The following COL19A1 variants were observed in gnomAD, a reference collection of about 807,000 sequenced individuals.
COL19A1 encodes collagen type XIX alpha 1 chain, also known as collagen alpha-1(XIX) chain.
A neutral mutation model predicts 190.2 loss-of-function variants in COL19A1; 159 were observed. The observed-to-expected ratio is 0.84, with a 90% CI of 0.73 to 0.95. The LOEUF (loss-of-function observed/expected upper bound fraction) is 0.95. Among genes scored for constraint, COL19A1 ranks in the 40% least tolerant of loss-of-function variants. The pLI, the probability that COL19A1 is intolerant of heterozygous loss-of-function variation, is 0.00. For synonymous variants in COL19A1, 509 were observed against 458.9 expected (o/e 1.11, Z -1.39); for missense variants, 1,418 against 1,431.9 (o/e 0.99, Z 0.16).
At chr6:70,108,417 A>G (rs1784096710) in intron 16 of COL19A1, among the ~76,000 whole-genome samples, 1 of 152,144 alleles carries the variant, frequency 6.6e-6, no homozygotes, top group Non-Finnish European at 1.5e-5. Flanking sequence ...AATTCAAAAA[A>G]TTTTGTAACA....
intron 14 of COL19A1, among the ~76,000 whole-genome samples, chr6:70,063,820 A>G (rs1300536625): frequency 6.6e-6 from 1 of 152,232 alleles, no homozygotes; most frequent in African/African-American, 2.4e-5. Context: ...ACAGAAATAC[A>G]AACTACCATA....
At chr6:70,139,284 G>C (rs770456761) in intron 19 of COL19A1, among the ~76,000 whole-genome samples, 4 of 152,022 alleles carry the variant, frequency 2.6e-5, no homozygotes, top group Admixed American at 6.6e-5. Flanking sequence ...AAGCAGCAAG[G>C]GTTGAAGGAG....
At chr6:69,936,650 G>A in intron 7 of COL19A1, 135 bp from the exon 8 acceptor site, 2 of 1,065,676 alleles carry the variant, frequency 1.9e-6, no homozygotes, top group Non-Finnish European at 2.7e-6. Flanking sequence ...TCTCACACTG[G>A]TGTTAACTTT....
chr6:70,172,261 G>A (rs1001153499), intron 41 of COL19A1, among the ~76,000 whole-genome samples: 23 of 152,134 alleles, frequency 1.5e-4, no homozygotes, highest in Non-Finnish European at 3.4e-4. Flanking sequence ...GGGTTAAGGA[G>A]GATCAGGAAT....
chr6:69,975,206 T>C (rs1192308527), intron 11 of COL19A1, among the ~76,000 whole-genome samples: 2 of 152,216 alleles, frequency 1.3e-5, no homozygotes. Context: ...TGTTTCACTG[T>C]GCTTCATGGA....
chr6:70,065,540 A>T (rs1381975637), intron 14 of COL19A1, among the ~76,000 whole-genome samples: 4 of 152,238 alleles, frequency 2.6e-5, no homozygotes, highest in Non-Finnish European at 4.4e-5. Flanking sequence ...TTCAGGATAT[A>T]GGCATGGGCA....
chr6:70,103,706 C>G (rs146159143), intron 16 of COL19A1, among the ~76,000 whole-genome samples: 1 of 152,162 alleles, frequency 6.6e-6, no homozygotes, highest in Non-Finnish European at 1.5e-5. Flanking sequence ...CCTATAGAAG[C>G]TTTGCCAGTG....
At chr6:69,868,869 C>T (rs1767644279) in intron 1 of COL19A1, among the ~76,000 whole-genome samples, 1 of 152,080 alleles carries the variant, frequency 6.6e-6, no homozygotes, top group African/African-American at 2.4e-5. Context: ...AATGTGGGTA[C>T]ACAGAGTCAA....
Position 70,163,377 on chromosome 6 carries a change from C to G in COL19A1, c.2381C>G (p.Thr794Arg). The G allele has an allele frequency of 6.2e-7, 1 of 1,612,178 alleles. No homozygotes were observed. Among genetic ancestry groups the G allele is most frequent in the Non-Finnish European group, 8.5e-7 (1 of 1,179,012 alleles). ...LMGRTGHPGP[T>R]GAKGEKGSDG... ...GGAAGAACTGGACATCCTGGTCCCA[C>G]AGGAGCAAAAGGTGAAAAGGTACAA... Residue 794 changes from threonine (T) to arginine (R), a missense_variant, in exon 36 of 51, where the codon ACA (threonine) becomes AGA (arginine). Thr to Arg is a moderately conservative substitution (Grantham distance 71). Transcript: ENST00000620364.
At chr6:70,118,981 C>G (rs893790796) in intron 16 of COL19A1, among the ~76,000 whole-genome samples, 1 of 152,200 alleles carries the variant, frequency 6.6e-6, no homozygotes. Context: ...TATGACCAGT[C>G]TGTAAAGGAT....
intron 1 of COL19A1, among the ~76,000 whole-genome samples, chr6:69,874,545 A>T (rs1017845560): frequency 6.6e-6 from 1 of 152,098 alleles, no homozygotes; most frequent in Admixed American, 6.5e-5. Context: ...AGGTCAGGAG[A>T]TCGAGACCAT....
At chr6:70,168,475 T>C (rs1403206028) in intron 39 of COL19A1, among the ~76,000 whole-genome samples, 180 bp from the exon 40 acceptor site, 1 of 152,204 alleles carries the variant, frequency 6.6e-6, no homozygotes, top group Non-Finnish European at 1.5e-5. Context: ...CAAGCAATCA[T>C]TTTTATGAAA....
chr6:69,921,450 A>ATATCATATATATTCATATAT (rs368825990), intron 4 of COL19A1, among the ~76,000 whole-genome samples: 19 of 26,094 alleles, frequency 7.3e-4, no homozygotes, highest in African/African-American at 2.2e-3. Flanking sequence ...TATATCATAT[A>ATATCATATATATTCATATAT]TCATATATAT....
chr6:70,138,806 C>T (rs1054836957), intron 19 of COL19A1, among the ~76,000 whole-genome samples: 3 of 152,050 alleles, frequency 2.0e-5, no homozygotes, highest in African/African-American at 7.2e-5. Context: ...AGCCTTCTTA[C>T]ACAACTACAG....
chr6:69,890,964 A>AAACGG (rs1372229455), intron 2 of COL19A1: 1 of 227,748 alleles, frequency 4.4e-6, no homozygotes, highest in Non-Finnish European at 9.3e-6. Flanking sequence ...TGTTTTGGGG[A>AAACGG]AACGGAAGTC....
rs567415820 is a variant in COL19A1 at position 69,886,951 on chromosome 6, A to AT, written c.91+7301dup. On this transcript the variant is annotated intron_variant, in intron 2 of 50. Transcript: ENST00000620364. The stretch of plus-strand genomic sequence containing the variant: ...ACCTAAATAATTAACATTTAGTTTT[A>AT]TTTTTTTTCAGCTTTTCACCACAAA... 3.4e-4 allele frequency among the ~76,000 whole-genome samples: 52 copies of AT among 151,936 alleles called. 1 individual carries two copies. The South Asian group carries it at 9.6e-3, about 28-fold the overall frequency.
chr6:69,981,315 T>C (rs1776019532), intron 11 of COL19A1, among the ~76,000 whole-genome samples: 1 of 152,154 alleles, frequency 6.6e-6, no homozygotes, highest in Non-Finnish European at 1.5e-5. Context: ...TAGAGTATTA[T>C]AGAACTACTG....
rs541284631 is a variant in COL19A1, at chr6:70,151,247, C to T, written c.2038-150C>T. On this transcript the variant is annotated intron_variant, in intron 30 of 50. Coordinates refer to ENST00000620364, the MANE Select transcript of COL19A1 (RefSeq NM_001858.6). ...AGTGCCATGTGCACATTTCTTTATA[C>T]GAAACATAATGTTAAGCCAGTGATT... 37 of 656,664 alleles carry T rather than the reference C, an allele frequency of 5.6e-5. No individual in the cohort carries two copies. The East Asian group carries it at 6.7e-4, about 12-fold the overall frequency. The allele number at this position is 656,664 out of a possible 1,614,324, so 40.7% of individuals were successfully genotyped here.
chr6:70,132,729 G>GGGT (rs1785601513), intron 18 of COL19A1, among the ~76,000 whole-genome samples: 9 of 152,032 alleles, frequency 5.9e-5, no homozygotes, highest in African/African-American at 2.2e-4. Flanking sequence ...TCTCTATTTA[G>GGGT]AAGTGTTTCA....
Sources: gnomAD v4.1 joint callset for allele counts (sites outside exome capture counted in the v4.1 genomes callset) on GRCh38, gnomAD v4.1.1 for gene constraint, MANE v1.5 for transcripts, NCBI Gene and HGNC (gene_info 2026-07-23, HGNC 2026-07-21) for gene names.